Variants in CUL7 observed in about 807,000 individuals in gnomAD.
The protein encoded by CUL7 is cullin-7.
CUL7 carries 96 observed loss-of-function variants against 177.7 expected under a neutral mutation model. The observed-to-expected ratio is 0.54, with a 90% CI of 0.46 to 0.64. The LOEUF is 0.64. Among genes scored for constraint, CUL7 ranks in the 30% least tolerant of loss-of-function variants. CUL7 has a pLI of 0.00. For synonymous variants in CUL7, 824 were observed against 890.2 expected, an observed-to-expected ratio of 0.93 and a Z score of 1.32; for missense variants, 1,893 against 2,187.9, an observed-to-expected ratio of 0.87 and a Z score of 2.69.
rs1763607292 is a variant in CUL7, at chr6:43,043,265, CT to C, written c.3356-86del. The C allele has an allele frequency of 6.2e-6, 8 of 1,284,474 alleles. No individual in the cohort carries two copies. The highest frequency in any genetic ancestry group is 7.8e-6 in the Non-Finnish European group (7 of 896,416). 79.6% of individuals were successfully genotyped at this position (1,284,474 alleles called of 1,614,324 possible). ...CCCATCCAAGGGGGTTCCCTGAGGC[CT>C]TTCCTGACATGCTGCCACCCAAAAT... On this transcript the variant is annotated intron_variant, in intron 17 of 25. Transcript: ENST00000265348. This position sits in a 1 kb window ranked among gnomAD's most constrained non-coding sequence, Gnocchi z 4.2.
At position 43,049,393 on chromosome 6, in the gene CUL7, T is replaced by A. The variant is rs1764212728; in HGVS notation, c.1825+14A>T. 1.2e-6 allele frequency: 2 copies of A among 1,614,036 alleles called. No individual in the cohort carries two copies. Among genetic ancestry groups the A allele is most frequent in the African/African-American group, 2.7e-5 (2 of 74,930 alleles). ...TGAAGGTGTGTCAGCTCAGCTGCTG[T>A]GTCTGGCACCCACCTTCCACTTTGG... On this transcript the variant is annotated intron_variant, in intron 7 of 25. Transcript: ENST00000265348.
rs1764348856 is a variant in CUL7 at position 43,051,004 on chromosome 6, C to A, written c.1197G>T (p.Glu399Asp). The A allele has an allele frequency of 2.5e-6, 4 of 1,614,204 alleles. No homozygotes were observed. In the East Asian group the frequency reaches 6.7e-5, roughly 27 times the overall value. The change falls in exon 4 of 26, where the codon GAG becomes GAT. Residue 399 changes from glutamate to aspartate, a missense_variant. This residue lies in a region of CUL7 where 653 missense variants were observed against 725.2 expected (regional missense o/e 0.90). Transcript: ENST00000265348. This position sits in a 1 kb window ranked among gnomAD's most constrained non-coding sequence, Gnocchi z 5.0. The stretch of plus-strand genomic sequence containing the variant: ...GCACACCGTTGTTGCTCTGCCGAAA[C>A]TCGCCCTCATCCCCGGCACTGATCT... ...YEEISAGDEG[E>D]FRQSNNGVPP...
intron 6 of CUL7, 55 bp from the exon 7 acceptor site, chr6:43,049,717 A>G: frequency 1.2e-6 from 2 of 1,607,892 alleles, no homozygotes; most frequent in Non-Finnish European, 1.7e-6. Context: ...CAGAGGCCCC[A>G]GGGAGCACTT....
chr6:43,038,741 A>T, intron 23 of CUL7, 49 bp from the exon 24 acceptor site: 1 of 1,613,344 alleles, frequency 6.2e-7, no homozygotes, highest in Non-Finnish European at 8.5e-7. Context: ...AGGAGTGGAG[A>T]GAAGAGGATG....
In CUL7 at chr6:43,043,184, T is replaced by C. The variant is rs753981824; in HGVS notation, c.3356-4A>G. ...TCGTGGCTTCTGTTTCTGCCTTCTGTAGAGACCAAGAAAGTGGCAGAGGCA... is the reference window on the plus strand; with the variant it reads ...TCGTGGCTTCTGTTTCTGCCTTCTGCAGAGACCAAGAAAGTGGCAGAGGCA... On this transcript the variant is annotated splice_region_variant and splice_polypyrimidine_tract_variant and intron_variant, in intron 17 of 25. Coordinates refer to ENST00000265348, the MANE Select transcript of CUL7 (RefSeq NM_014780.5). This position sits in a 1 kb window ranked among gnomAD's most constrained non-coding sequence, Gnocchi z 4.2. 7 of 1,611,248 alleles carry C rather than the reference T, an allele frequency of 4.3e-6. No individual in the cohort carries two copies. In the African/African-American group the frequency reaches 6.7e-5, roughly 15 times the overall value.
chr6:43,044,467 C>T (rs1160497952), intron 16 of CUL7, among the ~76,000 whole-genome samples: 1 of 151,532 alleles, frequency 6.6e-6, no homozygotes, highest in Non-Finnish European at 1.5e-5. Context: ...CCATTGCACT[C>T]CAGCGTGGGT....
Position 43,052,699 on chromosome 6 carries a change from C to T in CUL7, c.90G>A (p.Val30=). 1.2e-6 allele frequency: 2 copies of T among 1,613,840 alleles called. No individual in the cohort carries two copies. Among genetic ancestry groups the T allele is most frequent in the Non-Finnish European group, 1.7e-6 (2 of 1,180,050 alleles). Residue 30 remains valine (V), a synonymous_variant, in exon 2 of 26, where the codon GTG becomes GTA. Coordinates refer to ENST00000265348, the MANE Select transcript of CUL7 (RefSeq NM_014780.5). The surrounding 1 kb of genome is among the most constrained non-coding windows in gnomAD (Gnocchi z 4.5). ...GGTACTCAGGATGCCCATCATGGCC[C>T]ACGCGCTGGCGGATCAGCTCATCAG... ...AYPDELIRQR[V]GHDGHPEYQI...
Position 43,052,839 on chromosome 6 carries a change from G to A in CUL7, c.-8-43C>T, listed in dbSNP as rs749533742. 18 of 1,575,100 alleles carry A rather than the reference G, an allele frequency of 1.1e-5. No individual in the cohort carries two copies. In the East Asian group the frequency reaches 3.9e-4, roughly 34 times the overall value. ...AAGAGAACAGACAAGCTAGAGGAAG[G>A]AGAGGTCAGAAAATCAAAGATATCC... is the stretch of plus-strand genomic sequence containing the variant. On this transcript the variant is annotated intron_variant, in intron 1 of 25. Transcript: ENST00000265348. This position sits in a 1 kb window ranked among gnomAD's most constrained non-coding sequence, Gnocchi z 4.5.
rs190095946 is a variant in CUL7 at position 43,051,072 on chromosome 6, G to C, written c.1129C>G (p.Leu377Val). The change falls in exon 4 of 26, where the codon CTG becomes GTG. Residue 377 changes from leucine to valine, a missense_variant. Leu to Val is a conservative substitution (Grantham distance 32). This residue lies in a region of CUL7 where 653 missense variants were observed against 725.2 expected (regional missense o/e 0.90). Transcript: ENST00000265348. This position sits in a 1 kb window ranked among gnomAD's most constrained non-coding sequence, Gnocchi z 5.0. ...NTYALYVRDT[L>V]QPGMRVRMLD... ...ATCCGCACTCGCATCCCCGGCTGCA[G>C]TGTGTCCCGCACATACAAAGCATAG... The C allele has an allele frequency of 3.1e-6, 5 of 1,614,082 alleles. No individual in the cohort carries two copies. The South Asian group carries it at 5.5e-5, about 18-fold the overall frequency.
chr6:43,038,881 G>A lies in CUL7; in HGVS notation c.4401C>T (p.Thr1467=), dbSNP rs200803189. The A allele has an allele frequency of 2.0e-5, 33 of 1,614,082 alleles. No homozygotes were observed. Among genetic ancestry groups the A allele is most frequent in the Admixed American group, 6.7e-5 (4 of 60,004 alleles). The part of the protein sequence containing the change: ...QFGNQTLHVS[T]VQMWLLLYLN... ...GATACAGCAGTAGCCACATCTGCAC[G>A]GTGGACACATGCAGGGTCTGGTTCC... The change falls in exon 23 of 26, where the codon ACC becomes ACT. Residue 1467 remains threonine (T), a synonymous_variant. Coordinates refer to ENST00000265348, the MANE Select transcript of CUL7 (RefSeq NM_014780.5).
Position 43,048,395 on chromosome 6 carries a change from AG to A in CUL7, c.1999del (p.Leu667TrpfsTer3). ...LQLQRQPQPF[L>X]ALMQSLDTPE... ...AGTGTCCAGGCTCTGCATCAGTGCC[AG>A]GAAGGGCTGCGGCTGCCGCTGCAGC... On this transcript the variant is annotated frameshift_variant, in exon 8 of 26. Transcript: ENST00000265348. LOFTEE classifies it high-confidence loss of function. The A allele has an allele frequency of 6.2e-7, 1 of 1,613,802 alleles. No individual in the cohort carries two copies. The highest frequency in any genetic ancestry group is 1.3e-5 in the African/African-American group (1 of 75,046).
rs1333980506 is a variant in CUL7, at chr6:43,045,910, A to C, written c.2766+76T>G. The C allele has an allele frequency of 1.6e-6, 2 of 1,277,980 alleles. No homozygotes were observed. The highest frequency in any genetic ancestry group is 4.8e-5 in the East Asian group (2 of 41,586). The allele number at this position is 1,277,980 out of a possible 1,614,324, so 79.2% of individuals were successfully genotyped here. A position where few individuals can be genotyped will look rare whatever the true frequency, so the allele number is the denominator to read the frequency against. On this transcript the variant is annotated intron_variant, in intron 13 of 25. Coordinates refer to ENST00000265348, the MANE Select transcript of CUL7 (RefSeq NM_014780.5). The surrounding 1 kb of genome is among the most constrained non-coding windows in gnomAD (Gnocchi z 4.8). ...AGACAGGTGGGAGTTAGAAAAAAGT[A>C]GGATAGGGCCAGATAGAAGCAGGAG...
At position 43,038,470 on chromosome 6, in the gene CUL7, C is replaced by A; in HGVS notation, c.4570G>T (p.Val1524Phe). The A allele has an allele frequency of 6.2e-7, 1 of 1,614,120 alleles. No individual in the cohort carries two copies. The highest frequency in any genetic ancestry group is 8.5e-7 in the Non-Finnish European group (1 of 1,179,994). Residue 1524 changes from valine to phenylalanine, a missense_variant and splice_region_variant, in exon 25 of 26, where the codon GTC becomes TTC. This residue lies in a region of CUL7 where 248 missense variants were observed against 262.5 expected (regional missense o/e 0.94). Transcript: ENST00000265348. Reference protein sequence around the residue: ...LHEQKDIPGGVLKIRDGSKEP... With the variant: ...LHEQKDIPGGFLKIRDGSKEP... ...TTGCTGCCATCTCGAATCTTGAGGACCCCTGAAATAAATGCTGATCACTCA... is the reference window on the plus strand; with the variant it reads ...TTGCTGCCATCTCGAATCTTGAGGAACCCTGAAATAAATGCTGATCACTCA...
At position 43,040,544 on chromosome 6, in the gene CUL7, C is replaced by G. The variant is rs139611086; in HGVS notation, c.4009G>C (p.Glu1337Gln). ...DQELLKLEDTEKKIQVGLGAS... is the reference protein window; with the variant it reads ...DQELLKLEDTQKKIQVGLGAS... Reference sequence around the variant, plus strand: ...AAGGCACTCACCTGTATTTTCTTCTCTGTATCCTCCAGCTTCAGGAGTTCC... The same window carrying G: ...AAGGCACTCACCTGTATTTTCTTCTGTGTATCCTCCAGCTTCAGGAGTTCC... Residue 1337 changes from glutamate (E) to glutamine (Q), a missense_variant, in exon 21 of 26, where the codon GAG becomes CAG. Glu to Gln is a conservative substitution (Grantham distance 29). This residue lies in a region of CUL7 where 973 missense variants were observed against 1,140.9 expected (regional missense o/e 0.85). Coordinates refer to ENST00000265348, the MANE Select transcript of CUL7 (RefSeq NM_014780.5). The surrounding 1 kb of genome is among the most constrained non-coding windows in gnomAD (Gnocchi z 4.2). 6.2e-7 allele frequency: 1 copy of G among 1,614,154 alleles called. No homozygotes were observed. Among genetic ancestry groups the G allele is most frequent in the East Asian group, 2.2e-5 (1 of 44,888 alleles).
rs1763923317 is a variant in CUL7, at chr6:43,046,552, T to C, written c.2447A>G (p.Asn816Ser). The C allele has an allele frequency of 1.2e-6, 2 of 1,614,130 alleles. No homozygotes were observed. Among genetic ancestry groups the C allele is most frequent in the East Asian group, 2.2e-5 (1 of 44,882 alleles). Residue 816 changes from asparagine to serine, a missense_variant, in exon 11 of 26, where the codon AAC becomes AGC. Transcript: ENST00000265348. ...EDHRRTHQPINIPFFDVFLRY... is the reference protein window; with the variant it reads ...EDHRRTHQPISIPFFDVFLRY... ...GAGGAACACATCAAAGAAAGGGATG[T>C]TGATGGGTTGGTGGGTTCGTCTGTG...
rs372089925 is a variant in CUL7 at position 43,045,671 on chromosome 6, C to T, written c.2778G>A (p.Met926Ile). 1.2e-5 allele frequency: 19 copies of T among 1,614,196 alleles called. No individual in the cohort carries two copies. The highest frequency in any genetic ancestry group is 8.8e-5 in the South Asian group (8 of 91,086). The change falls in exon 14 of 26, where the codon ATG becomes ATA. Residue 926 changes from methionine (M) to isoleucine (I), a missense_variant. Around this residue, in one of 5 missense-constraint regions of CUL7, gnomAD observed 973 missense variants for 1,140.9 expected, o/e 0.85. Transcript: ENST00000265348. This position sits in a 1 kb window ranked among gnomAD's most constrained non-coding sequence, Gnocchi z 4.8. The stretch of plus-strand genomic sequence containing the variant: ...GGAGGATCACCCGGCTGGCAGAGGG[C>T]ATCACATTCACCTGGCAGGGGGCAG... ...LHTELNSVNV[M>I]PSASRVILLE...
At position 43,043,104 on chromosome 6, in the gene CUL7, C is replaced by T. The variant is rs144556973; in HGVS notation, c.3432G>A (p.Thr1144=). The change falls in exon 18 of 26, where the codon ACG becomes ACA. Residue 1144 remains threonine (T), a synonymous_variant. Transcript: ENST00000265348. This position sits in a 1 kb window ranked among gnomAD's most constrained non-coding sequence, Gnocchi z 4.2. ...GLPSSIMRNL[T]RCWRAVVEKQ... Reference sequence around the variant, plus strand: ...TCTCCACCACGGCCCGCCAACAGCGCGTCAGGTTTCTCATGATGCTGCTTG... The same window carrying T: ...TCTCCACCACGGCCCGCCAACAGCGTGTCAGGTTTCTCATGATGCTGCTTG... 1,285 of 1,614,126 alleles carry T rather than the reference C, an allele frequency of 8.0e-4. 3 individuals carry two copies. Among genetic ancestry groups the T allele is most frequent in the Non-Finnish European group, 1.1e-3 (1,246 of 1,180,032 alleles).
intron 6 of CUL7, 79 bp from the exon 7 acceptor site, chr6:43,049,741 G>T (rs1432712225): frequency 1.3e-6 from 2 of 1,571,892 alleles, no homozygotes; most frequent in Non-Finnish European, 1.7e-6. Flanking sequence ...AGGGGTGGGG[G>T]TCTCTCTGCA....
At chr6:43,041,124 G>A in intron 19 of CUL7, 49 bp from the exon 20 acceptor site, 2 of 1,597,842 alleles carry the variant, frequency 1.3e-6, no homozygotes, top group Non-Finnish European at 1.7e-6. Context: ...GAGCAGAGCA[G>A]GTGAGTGGGG....
Sources: gnomAD v4.1 joint callset for allele counts (sites outside exome capture counted in the v4.1 genomes callset) on GRCh38, gnomAD v4.1.1 for gene constraint, gnomAD v4.1.1 regional missense constraint, Gnocchi (gnomAD v3.1) non-coding constraint, MANE v1.5 for transcripts, NCBI Gene and HGNC (gene_info 2026-07-23, HGNC 2026-07-21) for gene names.